Variants in MECOM observed in about 807,000 individuals in gnomAD.
The protein encoded by MECOM is histone-lysine N-methyltransferase MECOM.
A neutral mutation model predicts 116.3 loss-of-function variants in MECOM; 13 were observed. The observed-to-expected ratio is 0.11, with a 90% confidence interval of 0.07 to 0.18. MECOM has a LOEUF of 0.18. MECOM is among the 10% of genes least tolerant of loss of function. The pLI, the probability that MECOM is intolerant of heterozygous loss-of-function variation, is 1.00. For synonymous variants in MECOM, 528 were observed against 535.2 expected, an observed-to-expected ratio of 0.99 and a Z score of 0.19; for missense variants, 1,299 against 1,509.0, an observed-to-expected ratio of 0.86 and a Z score of 2.31.
intron 2 of MECOM, among the ~76,000 whole-genome samples, chr3:169,354,431 A>C (rs1048227894): frequency 2.6e-5 from 4 of 151,952 alleles, no homozygotes; most frequent in African/African-American, 9.7e-5. Flanking sequence ...TTAATTTACT[A>C]GTTCATAATA....
In MECOM at chr3:169,663,665, T is replaced by C. The variant is rs943843277; in HGVS notation, c.-293A>G. ...TCGCTATCTCTCCAGCATTGTCAGT[T>C]TGGACACCTTCGCACATGCGCGCTA... On this transcript the variant is annotated 5_prime_UTR_variant, in exon 1 of 17. Coordinates refer to ENST00000651503, the MANE Select transcript of MECOM (RefSeq NM_004991.4). 2.4e-6 allele frequency: 1 copy of C among 424,008 alleles called. No individual in the cohort carries two copies. The highest frequency in any genetic ancestry group is 2.0e-5 in the African/African-American group (1 of 49,238). The allele number at this position is 424,008 out of a possible 1,614,324, so 26.3% of individuals were successfully genotyped here.
intron 9 of MECOM, among the ~76,000 whole-genome samples, chr3:169,110,946 TAA>T (rs1476845611): frequency 6.6e-6 from 1 of 152,168 alleles, no homozygotes; most frequent in African/African-American, 2.4e-5. Context: ...TTGTGATCCT[TAA>T]TTAACTTTGG....
At chr3:169,098,912 T>G (rs1269530618) in intron 12 of MECOM, among the ~76,000 whole-genome samples, 2 of 152,152 alleles carry the variant, frequency 1.3e-5, no homozygotes, top group Admixed American at 6.5e-5. Flanking sequence ...CCCCTATTGT[T>G]AATATGTTTC....
chr3:169,227,829 A>C (rs1276009745), intron 2 of MECOM, among the ~76,000 whole-genome samples: 1 of 152,322 alleles, frequency 6.6e-6, no homozygotes, highest in African/African-American at 2.4e-5. Flanking sequence ...ATCAGCACAT[A>C]GGAGGCAGGA....
chr3:169,133,663 T>C (rs1265283264), intron 3 of MECOM, among the ~76,000 whole-genome samples: 1 of 152,162 alleles, frequency 6.6e-6, no homozygotes, highest in Non-Finnish European at 1.5e-5. Flanking sequence ...GTGCTGTTTC[T>C]ATAAAAAAAA....
intron 11 of MECOM, among the ~76,000 whole-genome samples, chr3:169,101,462 C>A (rs1043384119): frequency 2.0e-5 from 3 of 152,030 alleles, no homozygotes; most frequent in African/African-American, 7.2e-5. Flanking sequence ...AGCTTTATTT[C>A]TGGAAAGAAA....
chr3:169,407,094 A>G (rs1851377), intron 1 of MECOM, among the ~76,000 whole-genome samples: 18,540 of 151,722 alleles, frequency 0.12, 1,505 homozygotes, highest in Admixed American at 0.23. Flanking sequence ...TGCTCCACCC[A>G]CCTCGGCCTC....
chr3:169,154,916 T>C (rs1009716425), intron 2 of MECOM, among the ~76,000 whole-genome samples: 1 of 152,148 alleles, frequency 6.6e-6, no homozygotes, highest in African/African-American at 2.4e-5. Flanking sequence ...GGCTTGACCT[T>C]TCCATCCTTC....
At position 169,412,820 on chromosome 3, in the gene MECOM, AT is replaced by A. The variant is rs199624677; in HGVS notation, c.38-31297del. 5.7e-3 allele frequency among the ~76,000 whole-genome samples: 874 copies of A among 152,284 alleles called. 4 individuals carry two copies. Among genetic ancestry groups the A allele is most frequent in the Non-Finnish European group, 9.4e-3 (642 of 68,004 alleles). On this transcript the variant is annotated intron_variant, in intron 1 of 16. Transcript: ENST00000651503. ...AAACCAACCACTGGCTTTTCAAATG[AT>A]TGGAACAATCTCTCAGTTTGGGTTA...
intron 7 of MECOM, among the ~76,000 whole-genome samples, chr3:169,117,514 C>T (rs1729555709): frequency 6.6e-6 from 1 of 152,162 alleles, no homozygotes; most frequent in African/African-American, 2.4e-5. Flanking sequence ...AGTGGTTGTG[C>T]TAACCTTCCT....
intron 2 of MECOM, among the ~76,000 whole-genome samples, chr3:169,360,452 T>C (rs533362669): frequency 6.6e-6 from 1 of 151,712 alleles, no homozygotes; most frequent in East Asian, 2.0e-4. Context: ...AGTCTGAATC[T>C]ATGAATCCTC....
intron 1 of MECOM, among the ~76,000 whole-genome samples, chr3:169,500,734 T>A (rs1578276027): frequency 1.3e-5 from 2 of 152,008 alleles, no homozygotes; most frequent in East Asian, 3.9e-4. Context: ...AAGTAATTCT[T>A]CTAATACAAA....
At position 169,122,700 on chromosome 3, in the gene MECOM, A is replaced by T. The variant is rs748648820; in HGVS notation, c.858T>A (p.Thr286=). ...GATCACACTTGTATTCCCTCTCTTCAGTATGTGACAGCATGTGTTTCTCCA... is the reference window on the plus strand; with the variant it reads ...GATCACACTTGTATTCCCTCTCTTCTGTATGTGACAGCATGTGTTTCTCCA... ...QSLEKHMLSH[T]EEREYKCDQC... is the part of the protein sequence containing the mutation. The change falls in exon 6 of 17, where the codon ACT becomes ACA. Residue 286 remains threonine (T), a synonymous_variant. Coordinates refer to ENST00000651503, the MANE Select transcript of MECOM (RefSeq NM_004991.4). 6.2e-7 allele frequency: 1 copy of T among 1,613,966 alleles called. No homozygotes were observed. Among genetic ancestry groups the T allele is most frequent in the Non-Finnish European group, 8.5e-7 (1 of 1,179,844 alleles).
chr3:169,498,998 T>C (rs534465688), intron 1 of MECOM, among the ~76,000 whole-genome samples: 10 of 152,160 alleles, frequency 6.6e-5, no homozygotes, highest in Middle Eastern at 3.4e-3. Context: ...AAGGGAAAAT[T>C]AGTTAATTTT....
chr3:169,638,513 C>A (rs1276489015), intron 1 of MECOM, among the ~76,000 whole-genome samples: 1 of 152,188 alleles, frequency 6.6e-6, no homozygotes, highest in African/African-American at 2.4e-5. Flanking sequence ...GAGAGAGGAA[C>A]TTGACGTCTT....
chr3:169,663,442 GCTCTCCCTCTCGCTCCCTCCCT>G lies in MECOM; in HGVS notation c.-92_-71del, dbSNP rs1776588121. On this transcript the variant is annotated 5_prime_UTR_variant, in exon 1 of 17. Transcript: ENST00000651503. ...TTTTCTTGGATCCTTTCCTTCTTTT[GCTCTCCCTCTCGCTCCCTCCCT>G]CTCTCTCCTGTCTCTCTCTCTCTCT... 45 of 1,447,352 alleles carry G rather than the reference GCTCTCCCTCTCGCTCCCTCCCT, an allele frequency of 3.1e-5. No individual in the cohort carries two copies. In the South Asian group the frequency reaches 5.3e-4, roughly 17 times the overall value. The allele number at this position is 1,447,352 out of a possible 1,614,324, so 89.7% of individuals were successfully genotyped here.
At chr3:169,430,746 A>G (rs908771476) in intron 1 of MECOM, among the ~76,000 whole-genome samples, 1 of 152,180 alleles carries the variant, frequency 6.6e-6, no homozygotes, top group Non-Finnish European at 1.5e-5. Flanking sequence ...AGAACAGACC[A>G]TACGATTTAT....
At position 169,262,999 on chromosome 3, in the gene MECOM, A is replaced by G. The variant is rs1402163184; in HGVS notation, c.375+118188T>C. On this transcript the variant is annotated intron_variant, in intron 2 of 16. Transcript: ENST00000651503. ...CTTACTCATGTCTTTTCTTTGATCC[A>G]AAACAAGAAAACCCATTAATTACCT... 2.1e-5 allele frequency among the ~76,000 whole-genome samples: 3 copies of G among 144,106 alleles called. No homozygotes were observed. The East Asian group carries it at 6.3e-4, about 30-fold the overall frequency. The allele number at this position is 144,106 out of a possible 152,430, so 94.5% of individuals were successfully genotyped here. A position where few individuals can be genotyped will look rare whatever the true frequency, so the allele number is the denominator to read the frequency against.
chr3:169,292,813 C>T (rs767927616), intron 2 of MECOM, among the ~76,000 whole-genome samples: 1 of 152,120 alleles, frequency 6.6e-6, no homozygotes, highest in Non-Finnish European at 1.5e-5. Context: ...TGCAGCCTCC[C>T]AGGGAATGGA....
Sources: gnomAD v4.1 joint callset for allele counts (sites outside exome capture counted in the v4.1 genomes callset) on GRCh38, gnomAD v4.1.1 for gene constraint, MANE v1.5 for transcripts, NCBI Gene and HGNC (gene_info 2026-07-23, HGNC 2026-07-21) for gene names.